LARGE1: variants seen among roughly 807,000 people sequenced by gnomAD.
LARGE1 encodes LARGE xylosyl- and glucuronyltransferase 1, also known as xylosyl- and glucuronyltransferase LARGE1.
LARGE1 carries 43 observed loss-of-function variants against 87.6 expected under a neutral mutation model. That is an observed-to-expected ratio of 0.49 (90% CI 0.38 to 0.63). The LOEUF (loss-of-function observed/expected upper bound fraction) is 0.63, where lower values mean the gene tolerates loss of function less well. Ranked by LOEUF, LARGE1 falls within the 30% of genes least tolerant of loss-of-function variation. LARGE1 has a pLI of 0.00. For synonymous variants in LARGE1, 434 were observed against 394.6 expected (o/e 1.10, Z -1.18); for missense variants, 802 against 1,000.2 (o/e 0.80, Z 2.67).
At chr22:33,652,484 C>T (rs1034215078) in intron 2 of LARGE1, among the ~76,000 whole-genome samples, 4 of 152,062 alleles carry the variant, frequency 2.6e-5, no homozygotes, top group Non-Finnish European at 5.9e-5. Flanking sequence ...AAGGCATACC[C>T]AAAGCTATCA....
chr22:33,893,822 T>C (rs2065065198), intron 1 of LARGE1, among the ~76,000 whole-genome samples: 1 of 152,146 alleles, frequency 6.6e-6, no homozygotes, highest in African/African-American at 2.4e-5. Flanking sequence ...CGTTTAACCA[T>C]GAACTCTAAG....
At chr22:33,322,723 G>T (rs1455672763) in intron 10 of LARGE1, 2 of 152,248 alleles carry the variant, frequency 1.3e-5, no homozygotes, top group Non-Finnish European at 2.9e-5. Flanking sequence ...CCAATAATGG[G>T]ATTTGGTGGC....
intron 1 of LARGE1, among the ~76,000 whole-genome samples, chr22:33,849,304 T>G (rs2063518228): frequency 6.6e-6 from 1 of 152,304 alleles, no homozygotes; most frequent in East Asian, 1.9e-4. Context: ...CTTAGCAAGC[T>G]AATGTCGTTT....
intron 4 of LARGE1, among the ~76,000 whole-genome samples, chr22:33,620,375 T>G (rs1490266107): frequency 6.6e-6 from 1 of 152,178 alleles, no homozygotes; most frequent in Non-Finnish European, 1.5e-5. Context: ...CCTAAGAGTT[T>G]AGTTTCCTTG....
chr22:33,690,523 C>T (rs1346810290), intron 2 of LARGE1, among the ~76,000 whole-genome samples: 10 of 152,040 alleles, frequency 6.6e-5, no homozygotes, highest in Admixed American at 5.9e-4. Context: ...AGGTGGAATT[C>T]AAACACACCT....
At chr22:33,342,632 G>C (rs1019686764) in intron 9 of LARGE1, among the ~76,000 whole-genome samples, 14 of 152,284 alleles carry the variant, frequency 9.2e-5, no homozygotes, top group African/African-American at 3.4e-4. Flanking sequence ...CACATGGTGA[G>C]TCTGTGCCAA....
chr22:33,224,369 T>C (rs933428947), intron 11 of LARGE1, among the ~76,000 whole-genome samples: 1 of 152,112 alleles, frequency 6.6e-6, no homozygotes, highest in African/African-American at 2.4e-5. Flanking sequence ...TGAGTCAAAT[T>C]TGCCTACATG....
intron 6 of LARGE1, among the ~76,000 whole-genome samples, chr22:33,442,675 T>C (rs1029726607): frequency 6.6e-6 from 1 of 152,152 alleles, no homozygotes; most frequent in African/African-American, 2.4e-5. Context: ...CCCATACTTG[T>C]TCTTCTTTTA....
chr22:33,416,906 CTTTTTTT>C (rs35018256), intron 7 of LARGE1, among the ~76,000 whole-genome samples: 1 of 90,174 alleles, frequency 1.1e-5, no homozygotes, highest in Admixed American at 1.3e-4. Context: ...CACGCCCGGA[CTTTTTTT>C]TTTTTTTTTT....
rs2064367422 is a variant in LARGE1 at position 33,360,976 on chromosome 22, G to A, written c.1131+20943C>T. ...TCACGCCTATAATCTCAGCACTTTG[G>A]GAGGCCGAGGCGGGTGGATCACGAG... On this transcript the variant is annotated intron_variant, in intron 9 of 14. Transcript: ENST00000397394. Among the ~76,000 whole-genome samples the A allele has an allele frequency of 2.0e-5, 3 of 149,492 alleles. No homozygotes were observed. In the South Asian group the frequency reaches 6.6e-4, roughly 33 times the overall value.
chr22:33,671,754 T>C (rs976441903), intron 2 of LARGE1, among the ~76,000 whole-genome samples: 2 of 152,212 alleles, frequency 1.3e-5, no homozygotes, highest in Non-Finnish European at 2.9e-5. Context: ...TAGTGTTCCA[T>C]TATTGGAACA....
At chr22:33,419,512 G>A (rs1340038719) in intron 7 of LARGE1, among the ~76,000 whole-genome samples, 1 of 152,100 alleles carries the variant, frequency 6.6e-6, no homozygotes, top group Non-Finnish European at 1.5e-5. Flanking sequence ...CTCTCAGCAT[G>A]GCTGCCGCCT....
the LARGE1 span, among the ~76,000 whole-genome samples, chr22:33,067,998 T>C: frequency 6.6e-6 from 1 of 151,952 alleles, no homozygotes; most frequent in Admixed American, 6.6e-5. Context: ...AAGACTTTTC[T>C]GTCTACTGAA....
At chr22:33,228,969 G>C (rs1925869845) in intron 11 of LARGE1, among the ~76,000 whole-genome samples, 2 of 152,156 alleles carry the variant, frequency 1.3e-5, no homozygotes, top group African/African-American at 4.8e-5. Context: ...CTATGAAAAG[G>C]AGATAATATT....
intron 1 of LARGE1, among the ~76,000 whole-genome samples, chr22:33,854,037 G>A (rs913500493): frequency 6.6e-6 from 1 of 152,096 alleles, no homozygotes; most frequent in African/African-American, 2.4e-5. Flanking sequence ...AGTCCTTGTA[G>A]AGGCTGAACA....
chr22:33,911,272 G>A (rs894333343), intron 1 of LARGE1, among the ~76,000 whole-genome samples: 1 of 152,176 alleles, frequency 6.6e-6, no homozygotes, highest in African/African-American at 2.4e-5. Flanking sequence ...TTCTACGGAT[G>A]TAAAATGAAG....
chr22:33,124,356 A>AGAAGGAAGGAAGGAAG, the LARGE1 span, among the ~76,000 whole-genome samples: 373 of 69,094 alleles, frequency 5.4e-3, 47 homozygotes, highest in African/African-American at 0.023. Context: ...AAGAAAGGAA[A>AGAAGGAAGGAAGGAAG]GAAGGAAGGA....
intron 10 of LARGE1, among the ~76,000 whole-genome samples, chr22:33,334,132 G>C (rs766036910): frequency 6.7e-6 from 1 of 150,044 alleles, no homozygotes; most frequent in African/African-American, 2.5e-5. Context: ...CAAAAAAAAA[G>C]CCAGGCGCGG....
chr22:33,112,216 G>A, the LARGE1 span, among the ~76,000 whole-genome samples: 3 of 152,224 alleles, frequency 2.0e-5, no homozygotes, highest in Non-Finnish European at 4.4e-5. Flanking sequence ...GGTGGCCTGA[G>A]CCAGAAAGAC....
Sources: gnomAD v4.1 joint callset for allele counts (sites outside exome capture counted in the v4.1 genomes callset) on GRCh38, gnomAD v4.1.1 for gene constraint, MANE v1.5 for transcripts, NCBI Gene and HGNC (gene_info 2026-07-23, HGNC 2026-07-21) for gene names.